Variants in SGK1 observed in about 807,000 individuals in gnomAD.
The protein encoded by SGK1 is serine/threonine-protein kinase Sgk1.
SGK1 carries 26 observed loss-of-function variants against 64.2 expected under a neutral mutation model. That is an observed-to-expected ratio of 0.40 (90% CI 0.30 to 0.56). SGK1 has a LOEUF of 0.56. Among genes scored for constraint, SGK1 ranks in the 20% least tolerant of loss-of-function variants. The probability of loss-of-function intolerance (pLI) is 0.38; values close to 1 mark genes in which losing one functional copy is unlikely to be tolerated. For synonymous variants in SGK1, 265 were observed against 239.7 expected (o/e 1.11, Z -0.98); for missense variants, 519 against 645.6 (o/e 0.80, Z 2.12).
chr6:134,273,477 C>T (rs1776971532), intron 1 of SGK1, among the ~76,000 whole-genome samples: 1 of 147,998 alleles, frequency 6.8e-6, no homozygotes, highest in Non-Finnish European at 1.5e-5. Flanking sequence ...CCTGTAGTCC[C>T]AGCTACTTGG....
At chr6:134,189,200 A>C (rs1192067924) in intron 3 of SGK1, among the ~76,000 whole-genome samples, 1 of 121,896 alleles carries the variant, frequency 8.2e-6, no homozygotes, top group Non-Finnish European at 1.8e-5. Context: ...TACCTCTTTT[A>C]TACAGGTGTG....
chr6:134,292,154 C>G (rs1777276539), intron 1 of SGK1, among the ~76,000 whole-genome samples: 1 of 151,960 alleles, frequency 6.6e-6, no homozygotes, highest in Non-Finnish European at 1.5e-5. Flanking sequence ...ATTGTACACT[C>G]TTAGAGGTGA....
chr6:134,301,508 T>G (rs1013030781), intron 1 of SGK1, among the ~76,000 whole-genome samples: 1 of 151,564 alleles, frequency 6.6e-6, no homozygotes. Flanking sequence ...AGGACCACCT[T>G]TTCTTCTCTT....
At chr6:134,309,231 A>G (rs988918958) in intron 1 of SGK1, among the ~76,000 whole-genome samples, 1 of 152,232 alleles carries the variant, frequency 6.6e-6, no homozygotes, top group Non-Finnish European at 1.5e-5. Context: ...ATGTCATTTC[A>G]GAATGCTGCA....
At chr6:134,230,574 G>A (rs936495650) in intron 2 of SGK1, 2 of 64,770 alleles carry the variant, frequency 3.1e-5, no homozygotes, top group Non-Finnish European at 8.2e-5. Flanking sequence ...AAAGAGCAGA[G>A]GGAAAACCGC....
intron 2 of SGK1, among the ~76,000 whole-genome samples, chr6:134,225,217 GGT>G (rs1288933907): frequency 2.0e-5 from 3 of 151,154 alleles, no homozygotes; most frequent in African/African-American, 4.9e-5. Flanking sequence ...CTGGTGTGGT[GGT>G]GCATGCCTGT....
chr6:134,178,757 C>A (rs150628142), intron 3 of SGK1, among the ~76,000 whole-genome samples: 2 of 152,208 alleles, frequency 1.3e-5, no homozygotes, highest in Admixed American at 1.3e-4. Flanking sequence ...CTCTACAACA[C>A]CTTGTGCAGT....
intron 1 of SGK1, among the ~76,000 whole-genome samples, chr6:134,287,693 T>G (rs979845248): frequency 6.6e-6 from 1 of 152,120 alleles, no homozygotes; most frequent in African/African-American, 2.4e-5. Context: ...TTGGAAAATG[T>G]GATAATGACT....
At chr6:134,261,335 G>A (rs1776764005) in intron 2 of SGK1, 1 of 156,314 alleles carries the variant, frequency 6.4e-6, no homozygotes, top group African/African-American at 2.4e-5. Flanking sequence ...AACCACTTCT[G>A]AGGAATTGCC....
chr6:134,203,824 G>A (rs759565229), intron 3 of SGK1, among the ~76,000 whole-genome samples: 2 of 152,278 alleles, frequency 1.3e-5, no homozygotes, highest in South Asian at 2.1e-4. Flanking sequence ...AGCACTTTGG[G>A]AGGCTGAGGT....
intron 3 of SGK1, among the ~76,000 whole-genome samples, chr6:134,200,955 C>T (rs564758924): frequency 2.0e-5 from 3 of 151,896 alleles, no homozygotes; most frequent in Admixed American, 1.3e-4. Context: ...ATAAAATACT[C>T]TCTGATGATG....
At chr6:134,177,635 T>C in intron 3 of SGK1, 2 of 1,601,428 alleles carry the variant, frequency 1.2e-6, no homozygotes, top group South Asian at 2.2e-5. Flanking sequence ...TTGAGGCATC[T>C]GCAAAATATA....
intron 1 of SGK1, among the ~76,000 whole-genome samples, chr6:134,274,922 C>T (rs1776997908): frequency 1.3e-5 from 2 of 152,114 alleles, no homozygotes. Context: ...TCTTTCACCT[C>T]AGCCTCCAAG....
At chr6:134,186,339 AC>A (rs1292588900) in intron 3 of SGK1, among the ~76,000 whole-genome samples, 1 of 152,208 alleles carries the variant, frequency 6.6e-6, no homozygotes, top group Non-Finnish European at 1.5e-5. Context: ...TAACTTAAAT[AC>A]TATGATATAA....
intron 2 of SGK1, among the ~76,000 whole-genome samples, chr6:134,213,282 G>C (rs2114692986): frequency 6.6e-6 from 1 of 152,188 alleles, no homozygotes; most frequent in Non-Finnish European, 1.5e-5. Context: ...AGCACTTTGG[G>C]AGGTTGAGGC....
intron 2 of SGK1, among the ~76,000 whole-genome samples, chr6:134,228,342 T>TA (rs1224093057): frequency 1.3e-5 from 2 of 152,084 alleles, no homozygotes; most frequent in Non-Finnish European, 2.9e-5. Flanking sequence ...TGTGGGAAAA[T>TA]AGAGATGATA....
intron 1 of SGK1, among the ~76,000 whole-genome samples, chr6:134,295,720 G>C (rs1278795320): frequency 1.4e-5 from 2 of 141,886 alleles, no homozygotes; most frequent in African/African-American, 2.6e-5. Context: ...AAAAAAAAAA[G>C]CCCTATAGAT....
intron 5 of SGK1, 114 bp downstream of exon 5, chr6:134,173,891 G>A (rs1379849504): frequency 2.8e-5 from 20 of 711,972 alleles, no homozygotes; most frequent in Non-Finnish European, 4.1e-5. Flanking sequence ...CCATAATGAA[G>A]CATTCCTGCC....
chr6:134,209,676 G>T (rs1458849551), intron 2 of SGK1, among the ~76,000 whole-genome samples: 2 of 151,914 alleles, frequency 1.3e-5, no homozygotes, highest in African/African-American at 4.8e-5. Flanking sequence ...TTATAACAAG[G>T]CTTTTGTTTT....
Sources: allele counts gnomAD v4.1 joint callset (sites outside exome capture counted in the v4.1 genomes callset), GRCh38; gene constraint gnomAD v4.1.1; transcripts MANE v1.5; gene names NCBI Gene and HGNC (gene_info 2026-07-23, HGNC 2026-07-21).